SEZ6L: variants seen among roughly 807,000 people sequenced by gnomAD.
SEZ6L encodes seizure related 6 homolog like, also known as seizure 6-like protein.
A neutral mutation model predicts 106.2 loss-of-function variants in SEZ6L; 37 were observed. The ratio of observed to expected loss-of-function variants is 0.35; its 90% CI spans 0.27 to 0.46. The LOEUF is 0.46. Among genes scored for constraint, SEZ6L ranks in the 20% least tolerant of loss-of-function variants. The pLI, the probability that SEZ6L is intolerant of heterozygous loss-of-function variation, is 1.00. For missense variants in SEZ6L, 1,172 were observed against 1,332.8 expected (o/e 0.88, Z 1.88); for synonymous variants, 541 against 570.4 (o/e 0.95, Z 0.73).
At chr22:26,376,556 A>G (rs1479591327) in intron 15 of SEZ6L, among the ~76,000 whole-genome samples, 1 of 152,160 alleles carries the variant, frequency 6.6e-6, no homozygotes, top group Non-Finnish European at 1.5e-5. Flanking sequence ...AGCCTGGCCA[A>G]CGTGGTGGAA....
At chr22:26,276,092 G>A (rs780601048) in intron 1 of SEZ6L, among the ~76,000 whole-genome samples, 1 of 152,184 alleles carries the variant, frequency 6.6e-6, no homozygotes, top group Admixed American at 6.5e-5. Context: ...CCATTAAAAC[G>A]AAGTTAACAA....
At chr22:26,306,398 G>C (rs983107159) in intron 6 of SEZ6L, among the ~76,000 whole-genome samples, 1 of 152,164 alleles carries the variant, frequency 6.6e-6, no homozygotes, top group African/African-American at 2.4e-5. Context: ...AGGCAAAAAG[G>C]GAACTGCCCT....
chr22:26,351,311 G>A, intron 12 of SEZ6L, 68 bp downstream of exon 12: 2 of 1,476,524 alleles, frequency 1.4e-6, no homozygotes, highest in East Asian at 2.3e-5. Context: ...TGTTCATGAT[G>A]GAAGGCTGGG....
intron 9 of SEZ6L, among the ~76,000 whole-genome samples, chr22:26,339,151 C>T (rs1363265930): frequency 6.6e-6 from 1 of 152,042 alleles, no homozygotes; most frequent in African/African-American, 2.4e-5. Context: ...GGTTATAACT[C>T]CTGCCACAAT....
chr22:26,221,881 C>T (rs917596601), intron 1 of SEZ6L, among the ~76,000 whole-genome samples: 2 of 152,162 alleles, frequency 1.3e-5, no homozygotes, highest in Admixed American at 6.5e-5. Context: ...AGAATCAATT[C>T]GCCAATGGTT....
chr22:26,229,833 T>C (rs1346389228), intron 1 of SEZ6L, among the ~76,000 whole-genome samples: 1 of 152,222 alleles, frequency 6.6e-6, no homozygotes, highest in African/African-American at 2.4e-5. Context: ...AGGCTAGGGC[T>C]GTTCAAAGCC....
chr22:26,272,415 G>T (rs2080398538), intron 1 of SEZ6L, among the ~76,000 whole-genome samples: 1 of 152,146 alleles, frequency 6.6e-6, no homozygotes, highest in Non-Finnish European at 1.5e-5. Context: ...CAAACACTTG[G>T]TTTGTGTTTG....
At chr22:26,231,738 G>C (rs1466418622) in intron 1 of SEZ6L, among the ~76,000 whole-genome samples, 1 of 152,228 alleles carries the variant, frequency 6.6e-6, no homozygotes, top group Non-Finnish European at 1.5e-5. Flanking sequence ...CAACTTGGCA[G>C]AGGCAGAAAG....
At chr22:26,288,215 C>G (rs780839682) in intron 1 of SEZ6L, among the ~76,000 whole-genome samples, 1 of 152,204 alleles carries the variant, frequency 6.6e-6, no homozygotes, top group Non-Finnish European at 1.5e-5. Context: ...CAACTGCATC[C>G]TTAGGCACTT....
At chr22:26,201,573 TA>T (rs1940962798) in intron 1 of SEZ6L, among the ~76,000 whole-genome samples, 1 of 151,248 alleles carries the variant, frequency 6.6e-6, no homozygotes, top group Non-Finnish European at 1.5e-5. Flanking sequence ...AAATAAAAAA[TA>T]AAAATAAAAT....
intron 1 of SEZ6L, among the ~76,000 whole-genome samples, chr22:26,283,425 T>A (rs939074813): frequency 6.6e-6 from 1 of 152,006 alleles, no homozygotes; most frequent in African/African-American, 2.4e-5. Context: ...TGTGTTCTAG[T>A]CGAAAGCCCA....
At chr22:26,300,902 C>G (rs2145901975) in intron 5 of SEZ6L, among the ~76,000 whole-genome samples, 1 of 152,356 alleles carries the variant, frequency 6.6e-6, no homozygotes, top group South Asian at 2.1e-4. Flanking sequence ...ATATTTTCTC[C>G]CATTTCATGG....
intron 14 of SEZ6L, among the ~76,000 whole-genome samples, chr22:26,374,078 C>G (rs998277320): frequency 6.6e-6 from 1 of 152,082 alleles, no homozygotes; most frequent in Admixed American, 6.5e-5. Context: ...CCCTTTCCAA[C>G]CCCTCCCGTG....
At chr22:26,344,384 G>A (rs553048827) in intron 10 of SEZ6L, among the ~76,000 whole-genome samples, 9 of 152,200 alleles carry the variant, frequency 5.9e-5, no homozygotes, top group East Asian at 3.8e-4. Context: ...TTGAGAAGAC[G>A]TTGGTTATTT....
At chr22:26,303,150 A>C (rs535654469) in intron 5 of SEZ6L, among the ~76,000 whole-genome samples, 1 of 152,350 alleles carries the variant, frequency 6.6e-6, no homozygotes, top group South Asian at 2.1e-4. Flanking sequence ...TATTTCACAG[A>C]ACAATCTCTC....
At chr22:26,255,301 G>A (rs1218558188) in intron 1 of SEZ6L, among the ~76,000 whole-genome samples, 1 of 152,070 alleles carries the variant, frequency 6.6e-6, no homozygotes, top group South Asian at 2.1e-4. Context: ...TGCTTCCCTC[G>A]GGAGCCTGGT....
At chr22:26,290,480 C>T (rs1333874811) in intron 1 of SEZ6L, among the ~76,000 whole-genome samples, 5 of 152,044 alleles carry the variant, frequency 3.3e-5, no homozygotes, top group African/African-American at 9.7e-5. Flanking sequence ...TGCAGTGAGC[C>T]GAGATCGCGC....
chr22:26,351,581 ATGTCACCCAGGCTGGAGTGCAG>A, intron 12 of SEZ6L: 1 of 203,816 alleles, frequency 4.9e-6, no homozygotes, highest in Non-Finnish European at 9.8e-6. Flanking sequence ...GAATTCCACT[ATGTCACCCAGGCTGGAGTGCAG>A]TGGCACCATC....
intron 1 of SEZ6L, among the ~76,000 whole-genome samples, chr22:26,216,114 C>T (rs2078291575): frequency 6.6e-6 from 1 of 151,814 alleles, no homozygotes; most frequent in African/African-American, 2.4e-5. Flanking sequence ...AGAAGCAAAG[C>T]CCAGAGAGGA....
Sources: gnomAD v4.1 joint callset for allele counts (sites outside exome capture counted in the v4.1 genomes callset) on GRCh38, gnomAD v4.1.1 for gene constraint, MANE v1.5 for transcripts, NCBI Gene and HGNC (gene_info 2026-07-23, HGNC 2026-07-21) for gene names.